The following VPS13B variants were observed in gnomAD, a reference collection of about 807,000 sequenced individuals.
The protein encoded by VPS13B is vacuolar protein sorting 13 homolog B.
VPS13B carries 285 observed loss-of-function variants against 426.4 expected under a neutral mutation model. That is an observed-to-expected ratio of 0.67 (90% CI 0.61 to 0.74). The LOEUF (loss-of-function observed/expected upper bound fraction) is 0.74, where lower values mean the gene tolerates loss of function less well. VPS13B is among the 30% of genes least tolerant of loss of function. The probability of loss-of-function intolerance (pLI) is 0.00; values close to 1 mark genes in which losing one functional copy is unlikely to be tolerated. For synonymous variants in VPS13B, 1,676 were observed against 1,676.4 expected (o/e 1.00, Z 0.01); for missense variants, 4,537 against 4,782.6 (o/e 0.95, Z 1.51).
At chr8:99,239,160 G>A (rs1441297618) in intron 17 of VPS13B, among the ~76,000 whole-genome samples, 1 of 152,108 alleles carries the variant, frequency 6.6e-6, no homozygotes, top group Non-Finnish European at 1.5e-5. Context: ...CAGCAATTAT[G>A]TAATTCAGAT....
chr8:99,720,148 AT>A (rs570597187), intron 37 of VPS13B, among the ~76,000 whole-genome samples, 196 bp from the exon 38 acceptor site: 12 of 152,216 alleles, frequency 7.9e-5, no homozygotes, highest in African/African-American at 1.4e-4. Context: ...GATATAATTA[AT>A]TTTTTTGTTG....
In VPS13B at chr8:99,876,480, A is replaced by C. The variant is rs181526774; in HGVS notation, c.*814A>C. The C allele has an allele frequency of 1.3e-5, 2 of 152,236 alleles. No individual in the cohort carries two copies. The highest frequency in any genetic ancestry group is 2.9e-5 in the Non-Finnish European group (2 of 68,054). 9.4% of individuals were successfully genotyped at this position (152,236 alleles called of 1,614,324 possible). A position where few individuals can be genotyped will look rare whatever the true frequency, so the allele number is the denominator to read the frequency against. On this transcript the variant is annotated 3_prime_UTR_variant, in exon 62 of 62. Transcript: ENST00000357162. ...TGTCCTATATTGAATCCAGTCCCAA[A>C]GTGTTCAGGTGAGTTTCTCTAGTTC...
chr8:99,377,916 C>G (rs939424536), intron 19 of VPS13B, among the ~76,000 whole-genome samples: 2 of 152,178 alleles, frequency 1.3e-5, no homozygotes, highest in Admixed American at 6.5e-5. Context: ...CAGGGTGAAA[C>G]TAGAATTACT....
intron 19 of VPS13B, among the ~76,000 whole-genome samples, chr8:99,281,762 A>G (rs891731856): frequency 1.3e-5 from 2 of 152,294 alleles, no homozygotes; most frequent in South Asian, 4.1e-4. Context: ...ACACCAGAAC[A>G]ATGTCGTTTC....
At chr8:99,406,903 A>G (rs970585299) in intron 21 of VPS13B, among the ~76,000 whole-genome samples, 1 of 152,228 alleles carries the variant, frequency 6.6e-6, no homozygotes, top group African/African-American at 2.4e-5. Context: ...AGGGTTTGTA[A>G]CAATCATGAA....
chr8:99,718,047 T>G (rs1284733863), intron 37 of VPS13B, among the ~76,000 whole-genome samples: 1 of 151,768 alleles, frequency 6.6e-6, no homozygotes, highest in African/African-American at 2.4e-5. Context: ...TAACTAGGAG[T>G]GGAATTGCCG....
intron 39 of VPS13B, among the ~76,000 whole-genome samples, chr8:99,738,095 C>T (rs1027387378): frequency 1.6e-4 from 25 of 152,222 alleles, no homozygotes; most frequent in African/African-American, 5.1e-4. Context: ...TAAGACCGCT[C>T]TCAGACTTCA....
intron 33 of VPS13B, among the ~76,000 whole-genome samples, chr8:99,581,918 C>G (rs1327670229): frequency 6.6e-6 from 1 of 152,226 alleles, no homozygotes; most frequent in East Asian, 1.9e-4. Flanking sequence ...TCCGTGACAT[C>G]TGGCTCTAGA....
chr8:99,308,357 A>G (rs913415613), intron 19 of VPS13B, among the ~76,000 whole-genome samples: 12 of 151,854 alleles, frequency 7.9e-5, no homozygotes, highest in Middle Eastern at 3.4e-3. Context: ...AGGCCCTAGT[A>G]TGTGATGTTC....
At chr8:99,337,518 A>G (rs568861846) in intron 19 of VPS13B, among the ~76,000 whole-genome samples, 1 of 152,180 alleles carries the variant, frequency 6.6e-6, no homozygotes, top group African/African-American at 2.4e-5. Context: ...TATAATAAAA[A>G]AGATTCCTAA....
At chr8:99,504,720 T>C (rs1821406831) in intron 27 of VPS13B, among the ~76,000 whole-genome samples, 1 of 152,176 alleles carries the variant, frequency 6.6e-6, no homozygotes, top group Non-Finnish European at 1.5e-5. Context: ...TTAACAAAAT[T>C]CTTAAGGGCC....
chr8:99,126,746 A>C (rs1848198106), intron 8 of VPS13B, among the ~76,000 whole-genome samples: 1 of 152,214 alleles, frequency 6.6e-6, no homozygotes, highest in Non-Finnish European at 1.5e-5. Flanking sequence ...TCTGGTACAG[A>C]TCTTCTGACA....
At position 99,846,801 on chromosome 8, in the gene VPS13B, T is replaced by A. The variant is rs373202868; in HGVS notation, c.9943-1975T>A. Among the ~76,000 whole-genome samples the A allele has an allele frequency of 7.2e-5, 11 of 152,340 alleles. No individual in the cohort carries two copies. The South Asian group carries it at 1.0e-3, about 14-fold the overall frequency. On this transcript the variant is annotated intron_variant, in intron 54 of 61. Coordinates refer to ENST00000357162, the MANE Select transcript of VPS13B (RefSeq NM_152564.5). ...TTTATTATCTTAGAAAGTGTAAGTA[T>A]CCTCATTTCATAATGCCTGAAAATC...
chr8:99,462,619 A>G (rs1801142641), intron 23 of VPS13B, among the ~76,000 whole-genome samples: 1 of 152,196 alleles, frequency 6.6e-6, no homozygotes, highest in Admixed American at 6.5e-5. Context: ...TTATATGCCC[A>G]GATACCCATT....
Position 99,832,634 on chromosome 8 carries a change from A to G in VPS13B, c.9596A>G (p.Glu3199Gly). ...GCAGTACCCCTCGGGAATTTCCGGG[A>G]AAATGGATTCTGTACCAGGTATTTT... Reference protein sequence around the residue: ...SVAVPLGNFRENGFCTRAIVL... With the variant: ...SVAVPLGNFRGNGFCTRAIVL... Residue 3199 changes from glutamate (E) to glycine (G), a missense_variant, in exon 52 of 62, where the codon GAA (glutamate) becomes GGA (glycine). This residue lies in a region of VPS13B where 4,311 missense variants were observed against 4,474.3 expected (regional missense o/e 0.96). Transcript: ENST00000357162. The G allele has an allele frequency of 6.2e-7, 1 of 1,613,716 alleles. No individual in the cohort carries two copies. Among genetic ancestry groups the G allele is most frequent in the South Asian group, 1.1e-5 (1 of 91,060 alleles).
At chr8:99,414,816 G>A (rs976184906) in intron 21 of VPS13B, among the ~76,000 whole-genome samples, 3 of 152,084 alleles carry the variant, frequency 2.0e-5, no homozygotes, top group African/African-American at 7.2e-5. Context: ...TCCCTTTGTG[G>A]GTAACCCGAA....
At chr8:99,170,789 A>G (rs1003240459) in intron 16 of VPS13B, among the ~76,000 whole-genome samples, 27 of 151,604 alleles carry the variant, frequency 1.8e-4, no homozygotes, top group Non-Finnish European at 2.1e-4. Context: ...GTTTAAATAT[A>G]TAAAATAATG....
chr8:99,520,451 C>T (rs1438378047), intron 29 of VPS13B, among the ~76,000 whole-genome samples: 2 of 145,178 alleles, frequency 1.4e-5, no homozygotes, highest in African/African-American at 5.1e-5. Flanking sequence ...TATTATTTAG[C>T]ATGTAAATTT....
chr8:99,725,500 G>T (rs1833307422), intron 39 of VPS13B, among the ~76,000 whole-genome samples: 1 of 152,170 alleles, frequency 6.6e-6, no homozygotes, highest in African/African-American at 2.4e-5. Flanking sequence ...AAGTGGAACA[G>T]TTTTATCCCA....
Sources: allele counts gnomAD v4.1 joint callset (sites outside exome capture counted in the v4.1 genomes callset), GRCh38; gene constraint gnomAD v4.1.1; regional missense constraint gnomAD v4.1.1; transcripts MANE v1.5; gene names NCBI Gene and HGNC (gene_info 2026-07-23, HGNC 2026-07-21).